The following LMBRD1 variants were observed in gnomAD, a reference collection of about 807,000 sequenced individuals.
LMBRD1 encodes the protein lysosomal cobalamin transport escort protein LMBD1.
Under a neutral mutation model 74.8 loss-of-function variants are expected in LMBRD1, and 64 were observed. The observed-to-expected ratio is 0.86, with a 90% CI of 0.70 to 1.05. The LOEUF is 1.05. Among genes scored for constraint, LMBRD1 ranks in the 50% least tolerant of loss-of-function variants. The pLI, the probability that LMBRD1 is intolerant of heterozygous loss-of-function variation, is 0.00. For missense variants in LMBRD1, 652 were observed against 645.9 expected (o/e 1.01, Z -0.10); for synonymous variants, 204 against 216.3 (o/e 0.94, Z 0.50).
chr6:69,719,251 C>T (rs1384227257), intron 7 of LMBRD1, among the ~76,000 whole-genome samples, 170 bp from the exon 8 acceptor site: 2 of 152,102 alleles, frequency 1.3e-5, no homozygotes, highest in South Asian at 2.1e-4. Context: ...ATAATTCTCC[C>T]GTTTATTTTG....
Position 69,796,719 on chromosome 6 carries a change from G to A in LMBRD1, c.69+94C>T, listed in dbSNP as rs904077001. On this transcript the variant is annotated intron_variant, in intron 1 of 15. Transcript: ENST00000649934. ...AGCTAAAAGCGGGGCGGGGCGAAGA[G>A]GGTCTCCGGGGCCCGGAGAGGCCAA... 24 of 1,163,486 alleles carry A rather than the reference G, an allele frequency of 2.1e-5. No individual in the cohort carries two copies. In the African/African-American group the frequency reaches 3.1e-4, roughly 15 times the overall value. The allele number at this position is 1,163,486 out of a possible 1,614,324, so 72.1% of individuals were successfully genotyped here. A position where few individuals can be genotyped will look rare whatever the true frequency, so the allele number is the denominator to read the frequency against.
intron 3 of LMBRD1, among the ~76,000 whole-genome samples, chr6:69,765,223 G>T (rs1582138834): frequency 6.6e-6 from 1 of 151,920 alleles, no homozygotes; most frequent in African/African-American, 2.4e-5. Flanking sequence ...GAGCCATTGT[G>T]CCCCCCTCCC....
chr6:69,758,093 G>A (rs985654343), intron 3 of LMBRD1, among the ~76,000 whole-genome samples: 5 of 152,054 alleles, frequency 3.3e-5, no homozygotes, highest in Admixed American at 6.6e-5. Context: ...AAACATATAC[G>A]AAGCAACAAT....
intron 14 of LMBRD1, among the ~76,000 whole-genome samples, chr6:69,683,889 T>C (rs1449295579): frequency 1.3e-5 from 2 of 151,888 alleles, no homozygotes; most frequent in African/African-American, 2.4e-5. Flanking sequence ...AAACAGATGG[T>C]TTTCCTCCCA....
At chr6:69,698,129 C>G in intron 13 of LMBRD1, among the ~76,000 whole-genome samples, 1 of 152,112 alleles carries the variant, frequency 6.6e-6, no homozygotes, top group African/African-American at 2.4e-5. Flanking sequence ...TTCCCAAACT[C>G]AGGTCATTCA....
chr6:69,724,183 A>G (rs1274726676), intron 7 of LMBRD1, among the ~76,000 whole-genome samples: 2 of 151,738 alleles, frequency 1.3e-5, no homozygotes, highest in African/African-American at 4.8e-5. Context: ...AAGCCTCCCA[A>G]TAAAGGAAAG....
rs1765498817 is a variant in LMBRD1, at chr6:69,674,117, A to G, written c.*2041T>C. ...CCTGAGGCCTCTCCTGTTGGCTTGCAGACCACTGCCTTCTCATTGCATCCT... is the reference window on the plus strand; with the variant it reads ...CCTGAGGCCTCTCCTGTTGGCTTGCGGACCACTGCCTTCTCATTGCATCCT... On this transcript the variant is annotated 3_prime_UTR_variant, in exon 16 of 16. Coordinates refer to ENST00000649934, the MANE Select transcript of LMBRD1 (RefSeq NM_018368.4). Among the ~76,000 whole-genome samples the G allele has an allele frequency of 6.6e-6, 1 of 152,200 alleles. No homozygotes were observed. Among genetic ancestry groups the G allele is most frequent in the African/African-American group, 2.4e-5 (1 of 41,466 alleles).
chr6:69,696,854 T>A (rs949527480), intron 14 of LMBRD1, among the ~76,000 whole-genome samples: 1 of 152,152 alleles, frequency 6.6e-6, no homozygotes, highest in Non-Finnish European at 1.5e-5. Context: ...CACGCAGAAA[T>A]ACACTATATT....
At chr6:69,726,342 G>T (rs1411561700) in intron 7 of LMBRD1, among the ~76,000 whole-genome samples, 1 of 152,118 alleles carries the variant, frequency 6.6e-6, no homozygotes, top group African/African-American at 2.4e-5. Context: ...ACTAAAAATA[G>T]AGCTACTATA....
intron 9 of LMBRD1, among the ~76,000 whole-genome samples, chr6:69,706,768 G>C (rs1472810895): frequency 6.6e-6 from 1 of 152,080 alleles, no homozygotes; most frequent in Non-Finnish European, 1.5e-5. Flanking sequence ...TGTGCTAACT[G>C]GTACATAGAT....
intron 5 of LMBRD1, among the ~76,000 whole-genome samples, chr6:69,747,170 GT>G (rs1767254772): frequency 6.6e-6 from 1 of 152,128 alleles, no homozygotes; most frequent in Admixed American, 6.5e-5. Flanking sequence ...AGTCACAAGG[GT>G]GGGGCCCTAA....
At chr6:69,767,965 T>TAA (rs1423219265) in intron 3 of LMBRD1, among the ~76,000 whole-genome samples, 1 of 151,972 alleles carries the variant, frequency 6.6e-6, no homozygotes, top group African/African-American at 2.4e-5. Context: ...TCCGTTGTCT[T>TAA]AAAGTCTATT....
chr6:69,682,694 A>ATT (rs2149835330), intron 14 of LMBRD1, among the ~76,000 whole-genome samples: 1 of 152,140 alleles, frequency 6.6e-6, no homozygotes, highest in Non-Finnish European at 1.5e-5. Context: ...GTCTTCTATT[A>ATT]CTTTAACTTT....
intron 12 of LMBRD1, among the ~76,000 whole-genome samples, chr6:69,699,647 A>G (rs1042268353): frequency 6.6e-6 from 1 of 151,836 alleles, no homozygotes; most frequent in Non-Finnish European, 1.5e-5. Context: ...AATCTTACTA[A>G]AGAGCTTTTC....
At chr6:69,738,610 A>ACG (rs1767027285) in intron 6 of LMBRD1, among the ~76,000 whole-genome samples, 1 of 151,952 alleles carries the variant, frequency 6.6e-6, no homozygotes, top group Non-Finnish European at 1.5e-5. Context: ...ACACACACAC[A>ACG]CACACACACA....
chr6:69,744,171 A>G (rs1056488754), intron 5 of LMBRD1, among the ~76,000 whole-genome samples: 1 of 152,224 alleles, frequency 6.6e-6, no homozygotes, highest in African/African-American at 2.4e-5. Context: ...TTAGAATACA[A>G]TGGGATTTGT....
chr6:69,727,259 C>A (rs1428399286), intron 7 of LMBRD1, among the ~76,000 whole-genome samples: 1 of 152,138 alleles, frequency 6.6e-6, no homozygotes, highest in East Asian at 1.9e-4. Flanking sequence ...ACCGAATTTG[C>A]CATGATGTGA....
In LMBRD1 at chr6:69,680,712, T is replaced by C. The variant is rs535992373; in HGVS notation, c.1418-4171A>G. Among the ~76,000 whole-genome samples, 5 of 152,266 alleles carry C rather than the reference T, an allele frequency of 3.3e-5. No homozygotes were observed. In the South Asian group the frequency reaches 6.2e-4, roughly 19 times the overall value. ...CCACACACACAATAAGTAACAGCTCTTTATATGCATCTTTATACATATATA... is the reference window on the plus strand; with the variant it reads ...CCACACACACAATAAGTAACAGCTCCTTATATGCATCTTTATACATATATA... On this transcript the variant is annotated intron_variant, in intron 14 of 15. Transcript: ENST00000649934.
chr6:69,690,217 C>G lies in LMBRD1; in HGVS notation c.1417+7346G>C, dbSNP rs1765848255. Reference sequence around the variant, plus strand: ...CTCATTCTCTTGGAGAGTTCTCATCCAGTCTCACAACTTTACTTCCCATCT... The same window carrying G: ...CTCATTCTCTTGGAGAGTTCTCATCGAGTCTCACAACTTTACTTCCCATCT... On this transcript the variant is annotated intron_variant, in intron 14 of 15. Coordinates refer to ENST00000649934, the MANE Select transcript of LMBRD1 (RefSeq NM_018368.4). 3.3e-5 allele frequency among the ~76,000 whole-genome samples: 5 copies of G among 152,102 alleles called. No individual in the cohort carries two copies. In the South Asian group the frequency reaches 1.0e-3, roughly 32 times the overall value.
Sources: gnomAD v4.1 joint callset for allele counts (sites outside exome capture counted in the v4.1 genomes callset) on GRCh38, gnomAD v4.1.1 for gene constraint, MANE v1.5 for transcripts, NCBI Gene and HGNC (gene_info 2026-07-23, HGNC 2026-07-21) for gene names.